The following EIF3H variants were observed in gnomAD, a reference collection of about 807,000 sequenced individuals.
The protein encoded by EIF3H is eIF-3-gamma.
Under a neutral mutation model 44.2 loss-of-function variants are expected in EIF3H, and 26 were observed. The observed-to-expected ratio is 0.59, with a 90% CI of 0.43 to 0.82. The LOEUF is 0.82. Among genes scored for constraint, EIF3H ranks in the 40% least tolerant of loss-of-function variants. EIF3H has a pLI of 0.00. For missense variants in EIF3H, 359 were observed against 432.8 expected (o/e 0.83, Z 1.51); for synonymous variants, 166 against 151.9 (o/e 1.09, Z -0.68).
At chr8:116,688,749 G>C (rs144348221) in intron 2 of EIF3H, among the ~76,000 whole-genome samples, 1 of 152,020 alleles carries the variant, frequency 6.6e-6, no homozygotes, top group African/African-American at 2.4e-5. Flanking sequence ...TTGTGCATCT[G>C]TTTGATGCAC....
chr8:116,667,382 T>G (rs1205968671), intron 2 of EIF3H, among the ~76,000 whole-genome samples: 1 of 149,504 alleles, frequency 6.7e-6, no homozygotes, highest in Non-Finnish European at 1.5e-5. Context: ...GCCTTTCCTA[T>G]AAATCTCAGT....
chr8:116,730,356 AG>A (rs1814931021), intron 1 of EIF3H, among the ~76,000 whole-genome samples: 1 of 152,176 alleles, frequency 6.6e-6, no homozygotes, highest in Non-Finnish European at 1.5e-5. Flanking sequence ...TGCACATACA[AG>A]GGAGCTAGGT....
intron 2 of EIF3H, among the ~76,000 whole-genome samples, chr8:116,719,906 C>G (rs1814716042): frequency 6.6e-6 from 1 of 152,160 alleles, no homozygotes; most frequent in Non-Finnish European, 1.5e-5. Context: ...ATCCTTTAAC[C>G]TCTGGCATAC....
intron 2 of EIF3H, among the ~76,000 whole-genome samples, chr8:116,687,878 T>C (rs1814102698): frequency 2.0e-5 from 3 of 152,140 alleles, no homozygotes; most frequent in Admixed American, 2.0e-4. Flanking sequence ...TTCTGACTAC[T>C]GTCAGCATAT....
At chr8:116,671,311 G>A (rs1813749746) in intron 2 of EIF3H, among the ~76,000 whole-genome samples, 1 of 152,196 alleles carries the variant, frequency 6.6e-6, no homozygotes, top group African/African-American at 2.4e-5. Context: ...TTGAGAATGT[G>A]TCAAAGGCAG....
At chr8:116,762,836 T>C (rs1815531881) in intron 1 of EIF3H, among the ~76,000 whole-genome samples, 1 of 152,058 alleles carries the variant, frequency 6.6e-6, no homozygotes, top group African/African-American at 2.4e-5. Flanking sequence ...CCCAGCTACT[T>C]AGAAGGCTGA....
chr8:116,720,036 A>G (rs1814719560), intron 2 of EIF3H, among the ~76,000 whole-genome samples: 2 of 152,304 alleles, frequency 1.3e-5, no homozygotes, highest in South Asian at 4.1e-4. Context: ...CTGATAAGTT[A>G]TTTATGTCAC....
intron 2 of EIF3H, 93 bp from the exon 3 acceptor site, chr8:116,659,073 T>A (rs1446043270): frequency 1.9e-6 from 2 of 1,070,870 alleles, no homozygotes; most frequent in Non-Finnish European, 2.6e-6. Flanking sequence ...AATGTCTACA[T>A]AACAATTTAT....
chr8:116,663,163 C>CA (rs1397235205), intron 2 of EIF3H, among the ~76,000 whole-genome samples: 1 of 152,088 alleles, frequency 6.6e-6, no homozygotes, highest in African/African-American at 2.4e-5. Flanking sequence ...TTTGGTATTT[C>CA]ACTCTCGAGA....
chr8:116,681,438 G>A (rs1009973527), intron 2 of EIF3H, among the ~76,000 whole-genome samples: 10 of 152,074 alleles, frequency 6.6e-5, no homozygotes, highest in African/African-American at 2.4e-4. Context: ...AGGTCGAGGC[G>A]GGCGGATCAC....
chr8:116,699,430 A>C (rs1814330979), intron 2 of EIF3H, among the ~76,000 whole-genome samples: 1 of 152,214 alleles, frequency 6.6e-6, no homozygotes. Flanking sequence ...CCATTATCCT[A>C]AGCAAATTAA....
chr8:116,711,890 AAAT>A (rs1489493434), intron 2 of EIF3H, among the ~76,000 whole-genome samples: 12 of 152,242 alleles, frequency 7.9e-5, no homozygotes, highest in Admixed American at 3.9e-4. Context: ...TAAGTTCTAT[AAAT>A]AACAAACATT....
chr8:116,677,362 A>C (rs561346546), intron 2 of EIF3H, among the ~76,000 whole-genome samples: 9 of 152,298 alleles, frequency 5.9e-5, no homozygotes, highest in African/African-American at 2.2e-4. Context: ...AAAATGTGCA[A>C]TTGAAAAAAA....
At chr8:116,716,222 G>C (rs1814657430) in intron 2 of EIF3H, among the ~76,000 whole-genome samples, 1 of 152,060 alleles carries the variant, frequency 6.6e-6, no homozygotes, top group Non-Finnish European at 1.5e-5. Context: ...AATTGGTTCA[G>C]AAGTTATTCT....
At chr8:116,696,952 C>CA (rs1814278956) in intron 2 of EIF3H, 1 of 359,580 alleles carries the variant, frequency 2.8e-6, no homozygotes, top group Non-Finnish European at 5.5e-6. Context: ...AACATGTACA[C>CA]AAACAAAAAA....
intron 2 of EIF3H, among the ~76,000 whole-genome samples, chr8:116,721,825 G>A (rs1197875083): frequency 6.6e-6 from 1 of 152,210 alleles, no homozygotes; most frequent in Non-Finnish European, 1.5e-5. Flanking sequence ...GAAATAGGTG[G>A]ATTTATCCAA....
rs777225146 is a variant in EIF3H at position 116,739,381 on chromosome 8, T to A, written c.133-13209A>T. Reference sequence around the variant, plus strand: ...ATAAATATGTGGCGGCCGGGCGCCATGGCTCACGCCTGTAATCCCAGCACT... The same window carrying A: ...ATAAATATGTGGCGGCCGGGCGCCAAGGCTCACGCCTGTAATCCCAGCACT... On this transcript the variant is annotated intron_variant, in intron 1 of 7. Coordinates refer to ENST00000521861, the MANE Select transcript of EIF3H (RefSeq NM_003756.3). Among the ~76,000 whole-genome samples the A allele has an allele frequency of 2.0e-5, 3 of 152,246 alleles. No individual in the cohort carries two copies. The South Asian group carries it at 6.2e-4, about 31-fold the overall frequency.
intron 2 of EIF3H, among the ~76,000 whole-genome samples, chr8:116,662,883 C>G (rs978277341): frequency 4.6e-5 from 7 of 152,202 alleles, no homozygotes; most frequent in African/African-American, 1.7e-4. Context: ...AAGAAATTGT[C>G]TTTCCAGATT....
chr8:116,739,807 G>A (rs1005595354), intron 1 of EIF3H, among the ~76,000 whole-genome samples: 2 of 152,130 alleles, frequency 1.3e-5, no homozygotes, highest in Non-Finnish European at 2.9e-5. Flanking sequence ...GGGTCTCCCC[G>A]ACTGAGCTGG....
Sources: gnomAD v4.1 joint callset for allele counts (sites outside exome capture counted in the v4.1 genomes callset) on GRCh38, gnomAD v4.1.1 for gene constraint, MANE v1.5 for transcripts, NCBI Gene and HGNC (gene_info 2026-07-23, HGNC 2026-07-21) for gene names.